Variants in PDE10A observed in about 807,000 individuals in gnomAD.
PDE10A encodes cAMP and cAMP-inhibited cGMP 3',5'-cyclic phosphodiesterase 10A.
In PDE10A, 39 loss-of-function variants were observed where a neutral mutation model predicts 97.7. That is an observed-to-expected ratio of 0.40 (90% CI 0.31 to 0.52). PDE10A has a LOEUF of 0.52. Among genes scored for constraint, PDE10A ranks in the 20% least tolerant of loss-of-function variants. The pLI is 0.56. For missense variants in PDE10A, 731 were observed against 1,047.8 expected (o/e 0.70, Z 4.17); for synonymous variants, 371 against 376.8 (o/e 0.98, Z 0.18).
In PDE10A at chr6:165,943,168, G is replaced by T. The variant is rs1562809411; in HGVS notation, c.-615+44361C>A. Among the ~76,000 whole-genome samples the T allele has an allele frequency of 3.8e-5, 3 of 78,214 alleles. 1 individual carries two copies. The highest frequency in any genetic ancestry group is 7.4e-5 in the Non-Finnish European group (3 of 40,640). 51.3% of individuals were successfully genotyped at this position (78,214 alleles called of 152,430 possible). On this transcript the variant is annotated intron_variant, in intron 1 of 19. Transcript: ENST00000366882. Reference sequence around the variant, plus strand: ...GAGAGAGAGAGAGAGAGAGAAGAAAGAAAGAAAAAAGAAAGAAAGAAAGAA... The same window carrying T: ...GAGAGAGAGAGAGAGAGAGAAGAAATAAAGAAAAAAGAAAGAAAGAAAGAA...
intron 18 of PDE10A, among the ~76,000 whole-genome samples, chr6:165,352,132 G>A (rs888108456): frequency 4.6e-5 from 7 of 152,140 alleles, no homozygotes; most frequent in Non-Finnish European, 1.0e-4. Flanking sequence ...GGGATTACAG[G>A]CATGAGCCAC....
chr6:165,871,884 G>A (rs1219037160), intron 1 of PDE10A, among the ~76,000 whole-genome samples: 1 of 152,236 alleles, frequency 6.6e-6, no homozygotes, highest in Non-Finnish European at 1.5e-5. Flanking sequence ...GAAAGGGCAA[G>A]AGGAGATAGG....
intron 2 of PDE10A, among the ~76,000 whole-genome samples, chr6:165,511,986 T>C (rs889475039): frequency 1.3e-5 from 2 of 152,072 alleles, no homozygotes; most frequent in Non-Finnish European, 2.9e-5. Context: ...TCAGCCAGTC[T>C]ATAACTTTTT....
At chr6:165,380,050 C>T (rs1341912560) in intron 17 of PDE10A, among the ~76,000 whole-genome samples, 3 of 152,148 alleles carry the variant, frequency 2.0e-5, no homozygotes, top group African/African-American at 7.2e-5. Context: ...CACTGGTAAT[C>T]TGGATTCTAT....
chr6:165,483,071 C>T (rs1779699695), intron 2 of PDE10A, among the ~76,000 whole-genome samples: 1 of 152,216 alleles, frequency 6.6e-6, no homozygotes, highest in African/African-American at 2.4e-5. Flanking sequence ...GAGTGTTGCA[C>T]ACACAGGTCA....
chr6:165,912,194 T>C (rs1460546337), intron 1 of PDE10A, among the ~76,000 whole-genome samples: 1 of 152,088 alleles, frequency 6.6e-6, no homozygotes, highest in Admixed American at 6.5e-5. Context: ...CTATCATCTA[T>C]CATCTATCCA....
Position 165,559,633 on chromosome 6 carries a change from T to C in PDE10A, c.866-16065A>G, listed in dbSNP as rs920487187. Among the ~76,000 whole-genome samples the C allele has an allele frequency of 2.0e-5, 3 of 152,170 alleles. No individual in the cohort carries two copies. In the East Asian group the frequency reaches 5.8e-4, roughly 29 times the overall value. On this transcript the variant is annotated intron_variant, in intron 1 of 21. Transcript: ENST00000539869. The stretch of plus-strand genomic sequence containing the variant: ...TAGTATCTTAGAGGATAACCTTTTG[T>C]GGTAGGCAGAATTTGAAGACAGTCC...
At chr6:165,737,779 T>C (rs934598548) in intron 1 of PDE10A, among the ~76,000 whole-genome samples, 20 of 152,130 alleles carry the variant, frequency 1.3e-4, no homozygotes, top group Non-Finnish European at 5.9e-5. Flanking sequence ...TTCTATTCAA[T>C]ACAGTACTAG....
In PDE10A at chr6:165,655,351, C is replaced by A. The variant is rs751939597; in HGVS notation, c.865+6596G>T. Reference sequence around the variant, plus strand: ...GCATCTCAGGCTGAACACCACCAAACGCCACGCCTGATTCCTTGCGCACCC... The same window carrying A: ...GCATCTCAGGCTGAACACCACCAAAAGCCACGCCTGATTCCTTGCGCACCC... On this transcript the variant is annotated intron_variant, in intron 1 of 21. Coordinates refer to ENST00000539869, the MANE Select transcript of PDE10A (RefSeq NM_001385079.1). This position sits in a 1 kb window ranked among gnomAD's most constrained non-coding sequence, Gnocchi z 4.5. Among the ~76,000 whole-genome samples, 3 of 152,124 alleles carry A rather than the reference C, an allele frequency of 2.0e-5. No homozygotes were observed. The highest frequency in any genetic ancestry group is 2.0e-4 in the Admixed American group (3 of 15,282).
At chr6:165,394,818 GTGA>G (rs1424153343) in intron 15 of PDE10A, among the ~76,000 whole-genome samples, 1 of 152,166 alleles carries the variant, frequency 6.6e-6, no homozygotes, top group African/African-American at 2.4e-5. Flanking sequence ...CTAATGACCA[GTGA>G]TGATGAGATT....
chr6:165,679,868 G>A (rs1790928457), intron 1 of PDE10A, among the ~76,000 whole-genome samples: 1 of 152,114 alleles, frequency 6.6e-6, no homozygotes. Flanking sequence ...GGTCCCCATG[G>A]TGGGCACTGC....
chr6:165,768,979 A>T (rs1355479622), intron 1 of PDE10A, among the ~76,000 whole-genome samples: 3 of 152,228 alleles, frequency 2.0e-5, no homozygotes, highest in Admixed American at 6.5e-5. Flanking sequence ...CAAAATGTGA[A>T]GTTTTTATGA....
At chr6:165,764,541 G>GCTCGGAT in intron 1 of PDE10A, among the ~76,000 whole-genome samples, 1 of 151,886 alleles carries the variant, frequency 6.6e-6, no homozygotes, top group South Asian at 2.1e-4. Flanking sequence ...TGTTCCTTCT[G>GCTCGGAT]GTGTTCGGAG....
chr6:165,370,016 G>A (rs549920896), intron 18 of PDE10A, among the ~76,000 whole-genome samples: 45 of 152,034 alleles, frequency 3.0e-4, no homozygotes, highest in African/African-American at 9.9e-4. Flanking sequence ...ATACTTTACA[G>A]ACAAGCAAAT....
intron 3 of PDE10A, among the ~76,000 whole-genome samples, chr6:165,458,089 A>G (rs915811399): frequency 2.0e-5 from 3 of 152,228 alleles, no homozygotes; most frequent in Non-Finnish European, 2.9e-5. Flanking sequence ...ATAAACTTCA[A>G]TATTGGAAAA....
intron 1 of PDE10A, among the ~76,000 whole-genome samples, chr6:165,840,136 A>G (rs1270223319): frequency 7.5e-6 from 1 of 133,646 alleles, no homozygotes. Context: ...CTCTATCCCC[A>G]TGCTCATCTC....
chr6:165,331,057 A>T lies in PDE10A; in HGVS notation c.*1968T>A, dbSNP rs533223820. On this transcript the variant is annotated 3_prime_UTR_variant, in exon 22 of 22. Coordinates refer to ENST00000539869, the MANE Select transcript of PDE10A (RefSeq NM_001385079.1). ...GAATGGGAGAATGGGGCTGATTTATATTTTTTCCTACATGTTTGCTTCTCT... is the reference window on the plus strand; with the variant it reads ...GAATGGGAGAATGGGGCTGATTTATTTTTTTTCCTACATGTTTGCTTCTCT... The T allele has an allele frequency of 6.6e-6, 1 of 152,124 alleles. No individual in the cohort carries two copies. The highest frequency in any genetic ancestry group is 2.4e-5 in the African/African-American group (1 of 41,528). The allele number at this position is 152,124 out of a possible 1,614,324, so 9.4% of individuals were successfully genotyped here. A position where few individuals can be genotyped will look rare whatever the true frequency, so the allele number is the denominator to read the frequency against.
chr6:165,677,760 G>T (rs954893000), intron 1 of PDE10A, among the ~76,000 whole-genome samples: 1 of 152,044 alleles, frequency 6.6e-6, no homozygotes, highest in Non-Finnish European at 1.5e-5. Flanking sequence ...GTTCATATGC[G>T]TAATGTGTTT....
intron 1 of PDE10A, among the ~76,000 whole-genome samples, chr6:165,561,083 G>C (rs1480535034): frequency 2.6e-5 from 4 of 152,022 alleles, no homozygotes; most frequent in Non-Finnish European, 5.9e-5. Flanking sequence ...GCCAGGCGTG[G>C]TGGCGGGCAC....
Sources: allele counts gnomAD v4.1 joint callset (sites outside exome capture counted in the v4.1 genomes callset), GRCh38; gene constraint gnomAD v4.1.1; non-coding constraint Gnocchi (gnomAD v3.1); transcripts MANE v1.5; gene names NCBI Gene and HGNC (gene_info 2026-07-23, HGNC 2026-07-21).